OPHN1: variants seen among roughly 807,000 people sequenced by gnomAD.
OPHN1 encodes the protein oligophrenin-1.
A neutral mutation model predicts 60.7 loss-of-function variants in OPHN1; 11 were observed. The observed-to-expected ratio is 0.18, with a 90% CI of 0.11 to 0.30. The LOEUF (loss-of-function observed/expected upper bound fraction) is 0.30. Among genes scored for constraint, OPHN1 ranks in the 10% least tolerant of loss-of-function variants. OPHN1 has a pLI of 1.00. For synonymous variants in OPHN1, 226 were observed against 222.6 expected, an observed-to-expected ratio of 1.02 and a Z score of -0.14; for missense variants, 449 against 611.0, an observed-to-expected ratio of 0.73 and a Z score of 2.80.
intron 2 of OPHN1, among the ~76,000 whole-genome samples, chrX:68,326,972 C>T (rs1414312105): frequency 2.9e-5 from 1 of 34,831 alleles, no homozygotes; most frequent in Non-Finnish European, 4.1e-5. Context: ...GCCCGGCCGC[C>T]CCTACTGGGA....
intron 15 of OPHN1, among the ~76,000 whole-genome samples, chrX:68,127,200 T>G (rs1362378199): frequency 9.0e-6 from 1 of 111,262 alleles, no homozygotes; most frequent in Non-Finnish European, 1.9e-5. Context: ...GAAGGAAAAC[T>G]CTCTGAAGAA....
chrX:68,191,666 CT>C (rs1217842415), intron 15 of OPHN1, among the ~76,000 whole-genome samples: 1 of 112,176 alleles, frequency 8.9e-6, no homozygotes, highest in Non-Finnish European at 1.9e-5. Flanking sequence ...CCACAGCTTG[CT>C]TCTTAAAAGC....
intron 3 of OPHN1, among the ~76,000 whole-genome samples, chrX:68,286,548 T>C: frequency 8.9e-6 from 1 of 111,806 alleles, no homozygotes. Context: ...CCCTCTCATG[T>C]GCATGACTCC....
chrX:68,160,083 G>A (rs2077327718), intron 15 of OPHN1, among the ~76,000 whole-genome samples: 1 of 109,294 alleles, frequency 9.1e-6, no homozygotes, highest in South Asian at 3.9e-4. Flanking sequence ...ATGTAAAAGG[G>A]AGACATATAT....
chrX:68,143,453 T>C (rs913776934), intron 15 of OPHN1, among the ~76,000 whole-genome samples: 2 of 110,986 alleles, frequency 1.8e-5, no homozygotes, highest in Non-Finnish European at 3.8e-5. Flanking sequence ...TTCTTCATCT[T>C]TGGGAAACGG....
In OPHN1 at chrX:68,403,647, C is replaced by T. The variant is rs145396939; in HGVS notation, c.154+29220G>A. Among the ~76,000 whole-genome samples, 623 of 110,259 alleles carry T rather than the reference C, an allele frequency of 5.7e-3. 5 individuals carry two copies. The highest frequency in any genetic ancestry group is 0.02 in the East Asian group (69 of 3,482). ...GTGCCTTTCGACTTTAAAAAATAAA[C>T]GTCCCTATCATAGACCTACTGCTGT... On this transcript the variant is annotated intron_variant, in intron 2 of 24. Coordinates refer to ENST00000355520, the MANE Select transcript of OPHN1 (RefSeq NM_002547.3).
At chrX:68,421,596 T>C (rs767782960) in intron 2 of OPHN1, among the ~76,000 whole-genome samples, 384 of 111,727 alleles carry the variant, frequency 3.4e-3, no homozygotes, top group African/African-American at 0.012. Flanking sequence ...CAGCTGTCAA[T>C]TGCCACATAC....
At chrX:68,307,833 T>C (rs1223218610) in intron 2 of OPHN1, among the ~76,000 whole-genome samples, 1 of 111,835 alleles carries the variant, frequency 8.9e-6, no homozygotes, top group East Asian at 2.8e-4. Context: ...AGTTTCAATA[T>C]GACTCAAAAC....
At chrX:68,263,510 T>C (rs1473411716) in intron 5 of OPHN1, among the ~76,000 whole-genome samples, 1 of 112,301 alleles carries the variant, frequency 8.9e-6, no homozygotes, top group Non-Finnish European at 1.9e-5. Context: ...ATTACAGTGA[T>C]GAAAGAAAAT....
rs745963288 is a variant in OPHN1 at position 68,315,283 on chromosome X, A to C, written c.155-16187T>G. ...AAGAAAGAAAGAAAGAGGGGGGAGA[A>C]GGAGGTAGGGAGGGAGGAAGGGACA... On this transcript the variant is annotated intron_variant, in intron 2 of 24. Coordinates refer to ENST00000355520, the MANE Select transcript of OPHN1 (RefSeq NM_002547.3). Among the ~76,000 whole-genome samples the C allele has an allele frequency of 7.4e-5, 8 of 108,485 alleles. No individual in the cohort carries two copies. In the East Asian group the frequency reaches 2.1e-3, roughly 29 times the overall value. 94.2% of individuals were successfully genotyped at this position (108,485 alleles called of 115,157 possible).
intron 6 of OPHN1, among the ~76,000 whole-genome samples, chrX:68,223,289 A>T (rs770699494): frequency 8.9e-6 from 1 of 112,539 alleles, no homozygotes; most frequent in African/African-American, 3.2e-5. Context: ...AATCAATCTA[A>T]GTGCCCATCA....
intron 2 of OPHN1, among the ~76,000 whole-genome samples, chrX:68,387,975 T>C (rs1054620104): frequency 1.8e-5 from 2 of 109,345 alleles, no homozygotes; most frequent in African/African-American, 6.7e-5. Context: ...GGGCGTGGCA[T>C]GCAAAGGGAA....
chrX:68,216,873 G>GA (rs1039452596), intron 6 of OPHN1, among the ~76,000 whole-genome samples: 3 of 112,077 alleles, frequency 2.7e-5, no homozygotes, highest in Non-Finnish European at 3.8e-5. Flanking sequence ...CCAATAACAT[G>GA]AAAAAATGCT....
chrX:68,271,676 G>T (rs1409759356), intron 5 of OPHN1, among the ~76,000 whole-genome samples: 1 of 111,818 alleles, frequency 8.9e-6, no homozygotes, highest in Non-Finnish European at 1.9e-5. Context: ...AGTGACCAGC[G>T]GAGAAGGTAT....
intron 15 of OPHN1, among the ~76,000 whole-genome samples, chrX:68,141,343 T>C (rs2077242084): frequency 8.9e-6 from 1 of 111,917 alleles, no homozygotes; most frequent in East Asian, 2.8e-4. Context: ...AGTCCCATCA[T>C]TATCATTTTT....
At chrX:68,185,688 G>A (rs1325985111) in intron 15 of OPHN1, among the ~76,000 whole-genome samples, 1 of 110,769 alleles carries the variant, frequency 9.0e-6, no homozygotes, top group Non-Finnish European at 1.9e-5. Flanking sequence ...AAAAGAGAAA[G>A]GGAGGTAAGC....
intron 15 of OPHN1, among the ~76,000 whole-genome samples, chrX:68,136,798 T>C (rs183900507): frequency 1.8e-5 from 2 of 112,344 alleles, no homozygotes; most frequent in East Asian, 5.6e-4. Flanking sequence ...GGTATGTTTC[T>C]GTGTTGTGAT....
rs1180464657 is a variant in OPHN1 at position 68,043,940 on chromosome X, T to C, written c.*3232A>G. Reference sequence around the variant, plus strand: ...TGCCCATGCTACAACCTTGGCGAAGTATGGAGACACCTGTGAGGACCTTTT... The same window carrying C: ...TGCCCATGCTACAACCTTGGCGAAGCATGGAGACACCTGTGAGGACCTTTT... On this transcript the variant is annotated 3_prime_UTR_variant, in exon 25 of 25. Coordinates refer to ENST00000355520, the MANE Select transcript of OPHN1 (RefSeq NM_002547.3). 8.9e-6 allele frequency: 1 copy of C among 111,756 alleles called. No individual in the cohort carries two copies. The highest frequency in any genetic ancestry group is 1.9e-5 in the Non-Finnish European group (1 of 53,252). The allele number at this position is 111,756 out of a possible 1,213,427, so 9.2% of individuals were successfully genotyped here. A position where few individuals can be genotyped will look rare whatever the true frequency, so the allele number is the denominator to read the frequency against.
At chrX:68,288,310 C>T (rs2078054710) in intron 3 of OPHN1, among the ~76,000 whole-genome samples, 1 of 111,606 alleles carries the variant, frequency 9.0e-6, no homozygotes, top group African/African-American at 3.3e-5. Context: ...CAAAAGAGGA[C>T]CCCATTTCAA....
Sources: allele counts gnomAD v4.1 joint callset (sites outside exome capture counted in the v4.1 genomes callset), GRCh38; gene constraint gnomAD v4.1.1; transcripts MANE v1.5; gene names NCBI Gene and HGNC (gene_info 2026-07-23, HGNC 2026-07-21).